The following PACS1 variants were observed in gnomAD, a reference collection of about 807,000 sequenced individuals.
PACS1 encodes PACS-1.
In PACS1, 24 loss-of-function variants were observed where a neutral mutation model predicts 115.0. The observed-to-expected ratio is 0.21, with a 90% CI of 0.15 to 0.29. PACS1 has a LOEUF of 0.29. Ranked by LOEUF, PACS1 falls within the 10% of genes least tolerant of loss-of-function variation. PACS1 has a pLI of 1.00. For missense variants in PACS1, 838 were observed against 1,251.2 expected, an observed-to-expected ratio of 0.67 and a Z score of 4.98; for synonymous variants, 453 against 504.5, an observed-to-expected ratio of 0.90 and a Z score of 1.37.
intron 1 of PACS1, among the ~76,000 whole-genome samples, chr11:66,090,189 A>G (rs72934625): frequency 0.042 from 6,268 of 148,646 alleles, 141 homozygotes; most frequent in South Asian, 0.076. Context: ...GCTTGGCTTG[A>G]CTTGACTTGG....
At chr11:66,178,982 C>A (rs1437450920) in intron 1 of PACS1, among the ~76,000 whole-genome samples, 2 of 152,148 alleles carry the variant, frequency 1.3e-5, no homozygotes. Flanking sequence ...GTCCATTCTC[C>A]CCCTTTGCTG....
chr11:66,141,296 C>CT (rs1244321206), intron 1 of PACS1, among the ~76,000 whole-genome samples: 2 of 151,796 alleles, frequency 1.3e-5, no homozygotes, highest in Non-Finnish European at 2.9e-5. Context: ...TGCATTTTTC[C>CT]TTTTTTTTCC....
At chr11:66,145,498 C>G (rs1229905253) in intron 1 of PACS1, among the ~76,000 whole-genome samples, 6 of 152,228 alleles carry the variant, frequency 3.9e-5, no homozygotes, top group African/African-American at 1.4e-4. Flanking sequence ...GGCAAACTAG[C>G]CCAAAACTTA....
intron 1 of PACS1, chr11:66,100,827 T>C (rs1464293397): frequency 2.2e-6 from 1 of 456,178 alleles, no homozygotes; most frequent in African/African-American, 2.0e-5. Context: ...GAACTGTGGC[T>C]GGAACACCTG....
At chr11:66,174,617 A>C (rs1034492813) in intron 1 of PACS1, among the ~76,000 whole-genome samples, 1 of 152,242 alleles carries the variant, frequency 6.6e-6, no homozygotes, top group African/African-American at 2.4e-5. Context: ...GTTTCAAAAC[A>C]TGTTAAATGA....
chr11:66,071,563 C>G (rs1201133246), intron 1 of PACS1, among the ~76,000 whole-genome samples: 1 of 152,128 alleles, frequency 6.6e-6, no homozygotes, highest in Non-Finnish European at 1.5e-5. Context: ...CAAAATAGGC[C>G]TGAGTTTGGG....
chr11:66,102,106 C>T (rs1857930954), intron 1 of PACS1, among the ~76,000 whole-genome samples: 1 of 152,134 alleles, frequency 6.6e-6, no homozygotes. Context: ...CTGATGGGAA[C>T]ATCCTTGATC....
At chr11:66,116,186 A>G (rs1858302938) in intron 1 of PACS1, among the ~76,000 whole-genome samples, 1 of 152,200 alleles carries the variant, frequency 6.6e-6, no homozygotes, top group Non-Finnish European at 1.5e-5. Context: ...ACTGTCCTCT[A>G]AGCAAAGCAG....
At chr11:66,174,250 T>G (rs1859802242) in intron 1 of PACS1, among the ~76,000 whole-genome samples, 1 of 152,168 alleles carries the variant, frequency 6.6e-6, no homozygotes, top group Non-Finnish European at 1.5e-5. Flanking sequence ...TGAATGACCT[T>G]AATCAGAAAA....
At position 66,235,974 on chromosome 11, in the gene PACS1, C is replaced by T. The variant is rs1014838337; in HGVS notation, c.2250+34C>T. 1 of 1,591,594 alleles carries T rather than the reference C, an allele frequency of 6.3e-7. No homozygotes were observed. Among genetic ancestry groups the T allele is most frequent in the Non-Finnish European group, 8.6e-7 (1 of 1,159,394 alleles). Reference sequence around the variant, plus strand: ...TGACTCCCTCTGCTTGGCACCCCACCCGTTCTCCTGGTCTTCCTGTTCCCC... The same window carrying T: ...TGACTCCCTCTGCTTGGCACCCCACTCGTTCTCCTGGTCTTCCTGTTCCCC... On this transcript the variant is annotated intron_variant, in intron 19 of 23. Coordinates refer to ENST00000320580, the MANE Select transcript of PACS1 (RefSeq NM_018026.4). The surrounding 1 kb of genome is among the most constrained non-coding windows in gnomAD (Gnocchi z 5.6).
At chr11:66,225,894 C>T (rs552158564) in intron 10 of PACS1, among the ~76,000 whole-genome samples, 1 of 152,258 alleles carries the variant, frequency 6.6e-6, no homozygotes, top group East Asian at 1.9e-4. Context: ...CGAGGCTGGG[C>T]GTGGTGGCTC....
chr11:66,234,208 A>G lies in PACS1; in HGVS notation c.2070A>G (p.Arg690=). 1 of 1,613,992 alleles carries G rather than the reference A, an allele frequency of 6.2e-7. No homozygotes were observed. Among genetic ancestry groups the G allele is most frequent in the Non-Finnish European group, 8.5e-7 (1 of 1,179,874 alleles). The change falls in exon 17 of 24, where the codon AGA becomes AGG. Residue 690 remains arginine (R), a synonymous_variant. Coordinates refer to ENST00000320580, the MANE Select transcript of PACS1 (RefSeq NM_018026.4). ...GTTCCTTCCTGGATTCTGGTTGGAG[A>G]GATCTGTTCAGTCGCTCGGAGCCAC... ...YSSSFLDSGW[R]DLFSRSEPPV...
chr11:66,215,950 T>TAAAAAA (rs1554990642), intron 4 of PACS1, among the ~76,000 whole-genome samples, 169 bp from the exon 5 acceptor site: 5 of 134,428 alleles, frequency 3.7e-5, no homozygotes, highest in African/African-American at 1.4e-4. Flanking sequence ...ATAATAATAA[T>TAAAAAA]AAACAAAGTA....
intron 1 of PACS1, chr11:66,121,200 C>G: frequency 2.4e-6 from 1 of 409,632 alleles, no homozygotes; most frequent in South Asian, 1.8e-5. Flanking sequence ...GTCTTTGATG[C>G]TGCTGTCGTG....
intron 10 of PACS1, among the ~76,000 whole-genome samples, chr11:66,224,789 G>GA (rs1409708002): frequency 6.6e-6 from 1 of 152,176 alleles, no homozygotes; most frequent in Non-Finnish European, 1.5e-5. Flanking sequence ...AATGGATTAG[G>GA]AAAAACCACG....
intron 11 of PACS1, 22 bp downstream of exon 11, chr11:66,227,606 G>A (rs776935956): frequency 7.7e-6 from 11 of 1,435,914 alleles, no homozygotes; most frequent in Non-Finnish European, 6.8e-6. Flanking sequence ...TCAGTTTCCT[G>A]TTTCAGCTGT....
At chr11:66,109,573 C>T (rs1858139134) in intron 1 of PACS1, among the ~76,000 whole-genome samples, 2 of 152,118 alleles carry the variant, frequency 1.3e-5, no homozygotes, top group African/African-American at 4.8e-5. Context: ...AGCCCTTTTT[C>T]TTCATCTTCA....
rs748917413 is a variant in PACS1, at chr11:66,235,871, A to G, written c.2208-27A>G. On this transcript the variant is annotated intron_variant, in intron 18 of 23. Transcript: ENST00000320580. This position sits in a 1 kb window ranked among gnomAD's most constrained non-coding sequence, Gnocchi z 5.6. ...CTCCTCCCTGTCTCTCCTACTAACT[A>G]TGAAGCTCTCCTGTGTCTCCCAACA... 16 of 1,604,774 alleles carry G rather than the reference A, an allele frequency of 1.0e-5. No homozygotes were observed. The South Asian group carries it at 1.1e-4, about 11-fold the overall frequency.
chr11:66,155,584 T>C (rs569950470), intron 1 of PACS1, among the ~76,000 whole-genome samples: 1 of 152,296 alleles, frequency 6.6e-6, no homozygotes, highest in East Asian at 1.9e-4. Context: ...TTTAAGAGAC[T>C]GATAGCTCCA....
Sources: allele counts gnomAD v4.1 joint callset (sites outside exome capture counted in the v4.1 genomes callset), GRCh38; gene constraint gnomAD v4.1.1; non-coding constraint Gnocchi (gnomAD v3.1); transcripts MANE v1.5; gene names NCBI Gene and HGNC (gene_info 2026-07-23, HGNC 2026-07-21).